Variants in ACOXL observed in about 807,000 individuals in gnomAD.
The protein encoded by ACOXL is acyl-CoA oxidase like.
A neutral mutation model predicts 71.9 loss-of-function variants in ACOXL; 70 were observed. The ratio of observed to expected loss-of-function variants is 0.97; its 90% CI spans 0.80 to 1.19. The LOEUF (loss-of-function observed/expected upper bound fraction) is 1.19, where lower values mean the gene tolerates loss of function less well. Ranked by LOEUF, ACOXL falls within the 50% of genes most tolerant of loss-of-function variation. ACOXL has a pLI of 0.00. For missense variants in ACOXL, 703 were observed against 736.3 expected, an observed-to-expected ratio of 0.95 and a Z score of 0.52; for synonymous variants, 253 against 281.6, an observed-to-expected ratio of 0.90 and a Z score of 1.02.
At chr2:110,878,838 T>C (rs1329241052) in intron 10 of ACOXL, among the ~76,000 whole-genome samples, 1 of 151,276 alleles carries the variant, frequency 6.6e-6, no homozygotes, top group East Asian at 1.9e-4. Flanking sequence ...GGCGGGTGGA[T>C]CACGAGGTCA....
chr2:111,071,853 G>A (rs1247582448), intron 16 of ACOXL, among the ~76,000 whole-genome samples: 1 of 152,210 alleles, frequency 6.6e-6, no homozygotes. Flanking sequence ...AATGCACACT[G>A]AGCCCTGATG....
chr2:110,735,896 G>A (rs1157373142), intron 1 of ACOXL, among the ~76,000 whole-genome samples: 1 of 152,156 alleles, frequency 6.6e-6, no homozygotes, highest in Non-Finnish European at 1.5e-5. Flanking sequence ...GGAGAGGCTG[G>A]CTGGCAGAGG....
At chr2:110,846,641 G>GCACACGCACACACACA (rs1553562228) in intron 10 of ACOXL, among the ~76,000 whole-genome samples, 1 of 137,928 alleles carries the variant, frequency 7.3e-6, no homozygotes. Context: ...ATGCATACAC[G>GCACACGCACACACACA]CACACACACA....
At chr2:110,928,333 C>A (rs1415062447) in intron 11 of ACOXL, among the ~76,000 whole-genome samples, 2 of 152,206 alleles carry the variant, frequency 1.3e-5, no homozygotes, top group Non-Finnish European at 2.9e-5. Flanking sequence ...ATTGATGTTA[C>A]AACAGCACCT....
Position 110,766,625 on chromosome 2 carries a change from C to T in ACOXL, c.-22-1743C>T, listed in dbSNP as rs180722954. 1.1e-3 allele frequency among the ~76,000 whole-genome samples: 161 copies of T among 152,288 alleles called. 2 individuals are homozygous for T. Among genetic ancestry groups the T allele is most frequent in the African/African-American group, 3.7e-3 (153 of 41,564 alleles). ...GGGAAGGAGAGGGGTGAATTAAGTG[C>T]CAACTGACCCTCTCTCCTACCACCT... On this transcript the variant is annotated intron_variant, in intron 1 of 17. Coordinates refer to ENST00000439055, the MANE Select transcript of ACOXL (RefSeq NM_001142807.4).
intron 12 of ACOXL, among the ~76,000 whole-genome samples, chr2:110,985,181 A>G (rs938045264): frequency 7.9e-5 from 12 of 152,312 alleles, no homozygotes; most frequent in Non-Finnish European, 1.6e-4. Flanking sequence ...TTATCATTTT[A>G]ATTTTAATTC....
intron 12 of ACOXL, chr2:110,963,505 A>G (rs1331683130): frequency 1.1e-5 from 14 of 1,322,956 alleles, no homozygotes; most frequent in East Asian, 2.7e-5. Flanking sequence ...AATTTTCTGT[A>G]TATTTTTTAA....
intron 15 of ACOXL, among the ~76,000 whole-genome samples, chr2:111,033,023 G>A (rs919989345): frequency 5.3e-5 from 8 of 152,270 alleles, no homozygotes; most frequent in Non-Finnish European, 8.8e-5. Context: ...TGGAGTAAAC[G>A]TGCCGAGAGC....
intron 16 of ACOXL, 57 bp downstream of exon 16, chr2:111,049,345 T>A: frequency 1.5e-6 from 2 of 1,334,380 alleles, no homozygotes; most frequent in Non-Finnish European, 2.1e-6. Context: ...TTTATTGCCC[T>A]GAGGAGAGTT....
chr2:110,855,184 A>C (rs1047846450), intron 10 of ACOXL, among the ~76,000 whole-genome samples: 4 of 152,200 alleles, frequency 2.6e-5, no homozygotes, highest in Non-Finnish European at 5.9e-5. Context: ...GAAGAAAAAA[A>C]CTGATTCTGC....
intron 11 of ACOXL, among the ~76,000 whole-genome samples, chr2:110,928,719 ACTGTAG>A (rs1474796766): frequency 1.3e-5 from 2 of 152,200 alleles, no homozygotes; most frequent in Non-Finnish European, 2.9e-5. Context: ...CTCATCTTGA[ACTGTAG>A]CTCCCATAAT....
intron 12 of ACOXL, among the ~76,000 whole-genome samples, chr2:110,962,005 A>C (rs944862980): frequency 3.3e-5 from 5 of 152,192 alleles, no homozygotes; most frequent in Non-Finnish European, 5.9e-5. Context: ...CACAGAGCCA[A>C]ACCATATCAG....
At chr2:110,782,504 C>G (rs191415344) in intron 2 of ACOXL, among the ~76,000 whole-genome samples, 2 of 152,294 alleles carry the variant, frequency 1.3e-5, no homozygotes, top group African/African-American at 4.8e-5. Context: ...AAATCAACAT[C>G]AGAGAATTAA....
intron 2 of ACOXL, among the ~76,000 whole-genome samples, chr2:110,782,697 C>T (rs1051737268): frequency 3.3e-5 from 5 of 152,122 alleles, no homozygotes; most frequent in African/African-American, 4.8e-5. Context: ...TAAAAATGAC[C>T]GCAGTTGGAC....
At chr2:110,837,627 T>C (rs548778995) in intron 9 of ACOXL, among the ~76,000 whole-genome samples, 2 of 152,062 alleles carry the variant, frequency 1.3e-5, no homozygotes, top group South Asian at 2.1e-4. Context: ...CGCTGGGTCA[T>C]ATGGAAACCC....
At chr2:110,961,974 A>C (rs952137786) in intron 12 of ACOXL, among the ~76,000 whole-genome samples, 9 of 152,228 alleles carry the variant, frequency 5.9e-5, no homozygotes, top group Admixed American at 3.9e-4. Context: ...ATTACAATTC[A>C]AGATGAGATT....
intron 16 of ACOXL, among the ~76,000 whole-genome samples, chr2:111,062,333 T>G (rs1046901834): frequency 6.6e-6 from 1 of 151,620 alleles, no homozygotes; most frequent in Non-Finnish European, 1.5e-5. Flanking sequence ...TGAAAACTGA[T>G]AGAACTAAAA....
chr2:111,115,894 A>AT (rs1331144104), intron 17 of ACOXL, among the ~76,000 whole-genome samples: 2 of 152,076 alleles, frequency 1.3e-5, no homozygotes, highest in Admixed American at 6.5e-5. Flanking sequence ...TTTCAAGTTT[A>AT]TTTTTTTAAA....
intron 15 of ACOXL, chr2:111,036,656 G>C (rs868345798): frequency 6.6e-6 from 1 of 152,308 alleles, no homozygotes; most frequent in South Asian, 2.1e-4. Context: ...CAGAGAGTGT[G>C]TGATGGCTGG....
Sources: gnomAD v4.1 joint callset for allele counts (sites outside exome capture counted in the v4.1 genomes callset) on GRCh38, gnomAD v4.1.1 for gene constraint, MANE v1.5 for transcripts, NCBI Gene and HGNC (gene_info 2026-07-23, HGNC 2026-07-21) for gene names.